YES1: variants seen among roughly 807,000 people sequenced by gnomAD.
The protein encoded by YES1 is YES proto-oncogene 1, Src family tyrosine kinase, also known as tyrosine-protein kinase Yes.
A neutral mutation model predicts 70.4 loss-of-function variants in YES1; 39 were observed. The observed-to-expected ratio is 0.55, with a 90% confidence interval of 0.43 to 0.72. YES1 has a LOEUF of 0.72. YES1 is among the 30% of genes least tolerant of loss of function. The pLI is 0.00. For synonymous variants in YES1, 198 were observed against 218.6 expected, an observed-to-expected ratio of 0.91 and a Z score of 0.83; for missense variants, 495 against 644.8, an observed-to-expected ratio of 0.77 and a Z score of 2.52.
Position 736,805 on chromosome 18 carries a change from T to C in YES1, c.1291+3A>G. ...ACAAGCTTTTATGTAAAAGTAATTTTACCTTGTCTTGCTGTGTATTCATTG... is the reference window on the plus strand; with the variant it reads ...ACAAGCTTTTATGTAAAAGTAATTTCACCTTGTCTTGCTGTGTATTCATTG... On this transcript the variant is annotated splice_donor_region_variant and intron_variant, in intron 10 of 11. Transcript: ENST00000314574. The C allele has an allele frequency of 1.9e-6, 3 of 1,608,856 alleles. No homozygotes were observed. Among genetic ancestry groups the C allele is most frequent in the South Asian group, 2.2e-5 (2 of 90,124 alleles).
At chr18:779,763 A>T (rs774683454) in intron 1 of YES1, among the ~76,000 whole-genome samples, 5 of 152,240 alleles carry the variant, frequency 3.3e-5, no homozygotes, top group Admixed American at 6.5e-5. Context: ...ATTTTTGACC[A>T]GCAAATTACA....
intron 11 of YES1, among the ~76,000 whole-genome samples, chr18:725,910 C>T (rs2080013254): frequency 6.6e-6 from 1 of 151,852 alleles, no homozygotes; most frequent in Non-Finnish European, 1.5e-5. Flanking sequence ...AAATCCAGTA[C>T]ATTTTACTAA....
chr18:792,897 CT>C (rs1322359409), intron 1 of YES1, among the ~76,000 whole-genome samples: 1 of 151,934 alleles, frequency 6.6e-6, no homozygotes, highest in African/African-American at 2.4e-5. Context: ...CCCACCCCTA[CT>C]TTTTAATAAC....
intron 1 of YES1, among the ~76,000 whole-genome samples, chr18:810,159 G>A (rs1907302232): frequency 6.6e-6 from 1 of 152,134 alleles, no homozygotes; most frequent in Non-Finnish European, 1.5e-5. Flanking sequence ...ACTAGCCATA[G>A]TAGTAAATCA....
chr18:800,540 G>C (rs1201415022), intron 1 of YES1, among the ~76,000 whole-genome samples: 1 of 152,186 alleles, frequency 6.6e-6, no homozygotes, highest in Non-Finnish European at 1.5e-5. Flanking sequence ...ATTCCCGCTA[G>C]AAAACAATGT....
In YES1 at chr18:736,858, T is replaced by A; in HGVS notation, c.1241A>T (p.Asp414Val). The A allele has an allele frequency of 2.5e-6, 4 of 1,612,706 alleles. No individual in the cohort carries two copies. The highest frequency in any genetic ancestry group is 3.4e-6 in the Non-Finnish European group (4 of 1,179,986). ...VGENLVCKIA[D>V]FGLARLIEDN... The stretch of plus-strand genomic sequence containing the variant: ...TTCAATTAACCTTGCTAAACCAAAG[T>A]CTGCTATTTTGCACACAAGATTTTC... The change falls in exon 10 of 12, where the codon GAC (aspartate) becomes GTC (valine). Residue 414 changes from aspartate (D) to valine (V), a missense_variant. Asp to Val is a radical substitution (Grantham distance 152, BLOSUM62 -3). Around this residue, in one of 2 missense-constraint regions of YES1, gnomAD observed 385 missense variants for 540.9 expected, o/e 0.71. Coordinates refer to ENST00000314574, the MANE Select transcript of YES1 (RefSeq NM_005433.4).
intron 4 of YES1, 116 bp from the exon 5 acceptor site, chr18:746,167 A>G: frequency 2.9e-6 from 2 of 678,628 alleles, no homozygotes; most frequent in Non-Finnish European, 5.1e-6. Context: ...GCTAGAGAAC[A>G]TGGCTCAAAA....
At chr18:745,607 T>TA in intron 6 of YES1, 101 bp downstream of exon 6, 1 of 1,156,524 alleles carries the variant, frequency 8.6e-7, no homozygotes, top group Non-Finnish European at 1.2e-6. Flanking sequence ...GTATTATGTG[T>TA]AAATAAGTGT....
chr18:756,807 T>C lies in YES1; in HGVS notation c.21A>G (p.Lys7=), dbSNP rs1463280934. 2 of 1,613,976 alleles carry C rather than the reference T, an allele frequency of 1.2e-6. No individual in the cohort carries two copies. Among genetic ancestry groups the C allele is most frequent in the East Asian group, 2.2e-5 (1 of 44,888 alleles). Residue 7 remains lysine (K), a synonymous_variant, in exon 2 of 12, where the codon AAA becomes AAG. Transcript: ENST00000314574. MGCIKS[K]ENKSPAIKYR... ...ATTTAATGGCTGGACTTTTGTTTTC[T>C]TTACTTTTAATGCAGCCCATTATCA...
At chr18:750,270 T>C (rs2080328033) in intron 3 of YES1, among the ~76,000 whole-genome samples, 1 of 152,216 alleles carries the variant, frequency 6.6e-6, no homozygotes, top group Admixed American at 6.5e-5. Context: ...TAAGCATTCA[T>C]TGATTCACTC....
chr18:775,480 TGC>T (rs1237723953), intron 1 of YES1, among the ~76,000 whole-genome samples: 5 of 152,302 alleles, frequency 3.3e-5, no homozygotes, highest in African/African-American at 1.2e-4. Context: ...GTTTAAGTTT[TGC>T]CTGCTTGTAA....
chr18:802,108 A>G (rs1906854313), intron 1 of YES1, among the ~76,000 whole-genome samples: 1 of 152,182 alleles, frequency 6.6e-6, no homozygotes, highest in South Asian at 2.1e-4. Context: ...TTAAAAAGAA[A>G]AGTCTAGGGT....
At chr18:810,260 T>C (rs1268744458) in intron 1 of YES1, among the ~76,000 whole-genome samples, 9 of 152,230 alleles carry the variant, frequency 5.9e-5, no homozygotes, top group Admixed American at 5.9e-4. Flanking sequence ...GGTTTACTTC[T>C]AGTCTTTTAG....
In YES1 at chr18:731,966, CAA is replaced by C. The variant is rs1165333694; in HGVS notation, c.1423+866_1423+867del. ...TGGGCGACAGAGCGAGACTCCATTTCAAAAAAAAAAAAAAAAAAAAAGTCTCT... is the reference window on the plus strand; with the variant it reads ...TGGGCGACAGAGCGAGACTCCATTTCAAAAAAAAAAAAAAAAAAAGTCTCT... On this transcript the variant is annotated intron_variant, in intron 11 of 11. Coordinates refer to ENST00000314574, the MANE Select transcript of YES1 (RefSeq NM_005433.4). Among the ~76,000 whole-genome samples, 536 of 79,966 alleles carry C rather than the reference CAA, an allele frequency of 6.7e-3. 6 individuals are homozygous for C. The highest frequency in any genetic ancestry group is 0.025 in the African/African-American group (509 of 20,082). The allele number at this position is 79,966 out of a possible 152,430, so 52.5% of individuals were successfully genotyped here.
intron 6 of YES1, among the ~76,000 whole-genome samples, chr18:744,617 T>G: frequency 6.6e-6 from 1 of 150,506 alleles, no homozygotes; most frequent in Non-Finnish European, 1.5e-5. Context: ...CTCAAACTCC[T>G]GACCTCAAGT....
At chr18:742,459 TAAA>T (rs59582095) in intron 8 of YES1, among the ~76,000 whole-genome samples, 355 of 143,366 alleles carry the variant, frequency 2.5e-3, no homozygotes, top group African/African-American at 8.1e-3. Context: ...AGTCTCTATT[TAAA>T]AAAAAAAAAA....
chr18:757,370 G>C (rs1904330809), intron 1 of YES1, among the ~76,000 whole-genome samples: 1 of 152,104 alleles, frequency 6.6e-6, no homozygotes, highest in African/African-American at 2.4e-5. Context: ...GGGCGTGGTG[G>C]TGGGCGCCTG....
chr18:786,429 T>C (rs1024239403), intron 1 of YES1, among the ~76,000 whole-genome samples: 6 of 151,738 alleles, frequency 4.0e-5, no homozygotes, highest in Non-Finnish European at 8.8e-5. Context: ...CTTTGTCTAT[T>C]GTTGTGGTTA....
Position 724,293 on chromosome 18 carries a change from T to C in YES1, c.*131A>G, listed in dbSNP as rs534391068. 1.2e-3 allele frequency: 1,067 copies of C among 890,978 alleles called. 3 individuals are homozygous for C. The highest frequency in any genetic ancestry group is 1.6e-3 in the Non-Finnish European group (935 of 592,746). 55.2% of individuals were successfully genotyped at this position (890,978 alleles called of 1,614,324 possible). On this transcript the variant is annotated 3_prime_UTR_variant, in exon 12 of 12. Transcript: ENST00000314574. ...AAAAAAAAGTGGTTTTGTGCAACCA[T>C]ATCTGGGATTCCAGTTTACCATTAA... is the stretch of plus-strand genomic sequence containing the variant.
Sources: gnomAD v4.1 joint callset for allele counts (sites outside exome capture counted in the v4.1 genomes callset) on GRCh38, gnomAD v4.1.1 for gene constraint, gnomAD v4.1.1 regional missense constraint, MANE v1.5 for transcripts, NCBI Gene and HGNC (gene_info 2026-07-23, HGNC 2026-07-21) for gene names.